Variants in FBXL18 observed in about 807,000 individuals in gnomAD.
FBXL18 encodes F-box/LRR-repeat protein 18.
In FBXL18, 36 loss-of-function variants were observed where a neutral mutation model predicts 46.0. The observed-to-expected ratio is 0.78, with a 90% CI of 0.60 to 1.03. The LOEUF (loss-of-function observed/expected upper bound fraction) is 1.03. Among genes scored for constraint, FBXL18 ranks in the 50% least tolerant of loss-of-function variants. The pLI is 0.00. For synonymous variants in FBXL18, 557 were observed against 465.3 expected (o/e 1.20, Z -2.54); for missense variants, 977 against 1,004.1 (o/e 0.97, Z 0.36).
intron 3 of FBXL18, among the ~76,000 whole-genome samples, chr7:5,499,763 A>G (rs1784182843): frequency 6.7e-6 from 1 of 150,162 alleles, no homozygotes; most frequent in Non-Finnish European, 1.5e-5. Context: ...AAAAAAAAGC[A>G]AAGATGGAGG....
intron 4 of FBXL18, 24 bp downstream of exon 4, chr7:5,491,207 C>T: frequency 5.7e-6 from 9 of 1,591,340 alleles, no homozygotes; most frequent in Non-Finnish European, 7.7e-6. Context: ...GCCCCTGAAG[C>T]TGTACGCAAC....
At chr7:5,463,734 T>TATTTTTA (rs1562672319) in intron 4 of FBXL18, among the ~76,000 whole-genome samples, 3 of 58,432 alleles carry the variant, frequency 5.1e-5, no homozygotes, top group Admixed American at 4.5e-4. Flanking sequence ...ATTTATTTTT[T>TATTTTTA]TTTTTTTTTT....
At chr7:5,489,145 C>T (rs529248485) in intron 4 of FBXL18, 88 of 429,868 alleles carry the variant, frequency 2.0e-4, no homozygotes, top group African/African-American at 1.3e-3. Context: ...GGGCGGACCA[C>T]GACACCCAGA....
chr7:5,465,966 A>T (rs1337166641), intron 4 of FBXL18, among the ~76,000 whole-genome samples: 1 of 151,906 alleles, frequency 6.6e-6, no homozygotes, highest in African/African-American at 2.4e-5. Context: ...TACAGGCGCC[A>T]GCCACTATGC....
At chr7:5,493,992 G>C (rs543238449) in intron 3 of FBXL18, among the ~76,000 whole-genome samples, 2 of 152,028 alleles carry the variant, frequency 1.3e-5, no homozygotes, top group Non-Finnish European at 2.9e-5. Flanking sequence ...AGCCAGGCAG[G>C]CCGGGCACGG....
At position 5,481,615 on chromosome 7, in the gene FBXL18, G is replaced by T; in HGVS notation, c.*160C>A. ...AACTTCACAGAGCAACAGTCCCCAT[G>T]AGAGAGCCGTGGAGACGCCGGGAGC... On this transcript the variant is annotated 3_prime_UTR_variant, in exon 5 of 5. Coordinates refer to ENST00000382368, the MANE Select transcript of FBXL18 (RefSeq NM_024963.6). The T allele has an allele frequency of 1.4e-6, 1 of 733,078 alleles. No individual in the cohort carries two copies. The highest frequency in any genetic ancestry group is 2.3e-6 in the Non-Finnish European group (1 of 433,052). The allele number at this position is 733,078 out of a possible 1,614,324, so 45.4% of individuals were successfully genotyped here.
At chr7:5,474,542 C>T (rs1204505774), downstream of FBXL18, among the ~76,000 whole-genome samples, 1 of 152,014 alleles carries the variant, frequency 6.6e-6, no homozygotes, top group African/African-American at 2.4e-5. Flanking sequence ...TCTCAAACTC[C>T]TGGGCACAAG....
At chr7:5,488,702 C>A (rs1239123319) in intron 4 of FBXL18, among the ~76,000 whole-genome samples, 2 of 152,200 alleles carry the variant, frequency 1.3e-5, no homozygotes, top group Non-Finnish European at 1.5e-5. Context: ...GTGAGTGGAG[C>A]CCAGCCGCAA....
rs1478939407 is a variant in FBXL18 at position 5,501,538 on chromosome 7, T to C, written c.731A>G (p.Gln244Arg). The change falls in exon 3 of 5, where the codon CAG becomes CGG. Residue 244 changes from glutamine (Q) to arginine (R), a missense_variant. Coordinates refer to ENST00000382368, the MANE Select transcript of FBXL18 (RefSeq NM_024963.6). The part of the protein sequence containing the change: ...YARLAPGYIN[Q>R]EVVRLYLAVL... ...AGCCAGGTAGAGCCGCACCACCTCC[T>C]GGTTGATGTAGCCGGGGGCCAGGCG... is the stretch of plus-strand genomic sequence containing the variant. 2 of 1,613,874 alleles carry C rather than the reference T, an allele frequency of 1.2e-6. No individual in the cohort carries two copies. Among genetic ancestry groups the C allele is most frequent in the Non-Finnish European group, 1.7e-6 (2 of 1,180,000 alleles).
intron 4 of FBXL18, among the ~76,000 whole-genome samples, chr7:5,463,731 T>TATTTATTTATTTA (rs57672683): frequency 1.9e-5 from 1 of 53,836 alleles, no homozygotes; most frequent in East Asian, 4.2e-4. Context: ...TTTATTTATT[T>TATTTATTTATTTA]TTTTTTTTTT....
rs1334337118 is a variant in FBXL18 at position 5,496,831 on chromosome 7, G to T, written c.1781+3657C>A. 6.6e-6 allele frequency among the ~76,000 whole-genome samples: 1 copy of T among 152,062 alleles called. No homozygotes were observed. The highest frequency in any genetic ancestry group is 2.4e-5 in the African/African-American group (1 of 41,376). ...ACCTGAGGTCAGGAGTTCGAGACCA[G>T]CCTGGCCAACATGGTGAAACCCCGT... On this transcript the variant is annotated intron_variant, in intron 3 of 4. Transcript: ENST00000382368. This position sits in a 1 kb window ranked among gnomAD's most constrained non-coding sequence, Gnocchi z 4.8.
intron 4 of FBXL18, among the ~76,000 whole-genome samples, chr7:5,465,814 C>A (rs1783332964): frequency 6.7e-6 from 1 of 148,522 alleles, no homozygotes; most frequent in Admixed American, 6.6e-5. Context: ...ACAGGTACCT[C>A]CTAAATTTTT....
chr7:5,461,016 T>A (rs1783236165), intron 4 of FBXL18, among the ~76,000 whole-genome samples: 2 of 152,238 alleles, frequency 1.3e-5, no homozygotes, highest in Admixed American at 1.3e-4. Context: ...CACGCACAAG[T>A]GCTGTGTTTG....
chr7:5,460,138 C>A (rs1024840453), intron 4 of FBXL18, among the ~76,000 whole-genome samples: 2 of 151,988 alleles, frequency 1.3e-5, no homozygotes, highest in African/African-American at 2.4e-5. Context: ...CCTGTAATAT[C>A]ACATACTTGG....
At chr7:5,500,160 C>T (rs73045136) in intron 3 of FBXL18, among the ~76,000 whole-genome samples, 6,066 of 152,132 alleles carry the variant, frequency 0.04, 170 homozygotes, top group Non-Finnish European at 0.062. Context: ...TCCTGCCTCC[C>T]CCACCTACTG....
At chr7:5,462,565 G>A (rs567462961) in intron 4 of FBXL18, among the ~76,000 whole-genome samples, 16 of 152,226 alleles carry the variant, frequency 1.1e-4, no homozygotes, top group South Asian at 4.1e-4. Context: ...GTTGAGAGAC[G>A]ATGTTTTCAC....
chr7:5,488,257 G>C (rs1235073377), intron 4 of FBXL18, among the ~76,000 whole-genome samples: 1 of 152,242 alleles, frequency 6.6e-6, no homozygotes, highest in Non-Finnish European at 1.5e-5. Flanking sequence ...CAGGCAGCAG[G>C]TGAATGGAGG....
chr7:5,502,793 A>G (rs1784300086), intron 2 of FBXL18, among the ~76,000 whole-genome samples: 2 of 150,216 alleles, frequency 1.3e-5, no homozygotes, highest in African/African-American at 2.5e-5. Flanking sequence ...GCACCATTGC[A>G]CTCCAACCTG....
intron 3 of FBXL18, among the ~76,000 whole-genome samples, chr7:5,493,209 C>G (rs141609529): frequency 0.013 from 1,935 of 152,324 alleles, 25 homozygotes; most frequent in African/African-American, 0.035. Flanking sequence ...GTGGCACGCA[C>G]CTGTACTCCC....
Sources: gnomAD v4.1 joint callset for allele counts (sites outside exome capture counted in the v4.1 genomes callset) on GRCh38, gnomAD v4.1.1 for gene constraint, Gnocchi (gnomAD v3.1) non-coding constraint, MANE v1.5 for transcripts, NCBI Gene and HGNC (gene_info 2026-07-23, HGNC 2026-07-21) for gene names.